The following ZNF529 variants were observed in gnomAD, a reference collection of about 807,000 sequenced individuals.
ZNF529 encodes zinc finger protein 529.
Under a neutral mutation model 10.1 loss-of-function variants are expected in ZNF529, and 11 were observed. The observed-to-expected ratio is 1.09, with a 90% CI of 0.69 to 1.81. The LOEUF is 1.81. Among genes scored for constraint, ZNF529 ranks in the 40% most tolerant of loss-of-function variants. The pLI is 0.00. For missense variants in ZNF529, 624 were observed against 666.8 expected, an observed-to-expected ratio of 0.94 and a Z score of 0.71; for synonymous variants, 204 against 215.7, an observed-to-expected ratio of 0.95 and a Z score of 0.47.
chr19:36,573,665 A>G (rs1400393447), upstream of ZNF529: 3 of 344,468 alleles, frequency 8.7e-6, no homozygotes, highest in Admixed American at 3.6e-5. Flanking sequence ...AAAGAACCGG[A>G]AGCCCGGGCC....
intron 2 of ZNF529, among the ~76,000 whole-genome samples, chr19:36,562,012 G>T (rs2035717188): frequency 1.3e-5 from 2 of 152,170 alleles, no homozygotes; most frequent in African/African-American, 2.4e-5. Flanking sequence ...AAGGCAGGTG[G>T]ATCATCTGAG....
At chr19:36,602,873 T>G (rs1035045435) in intron 1 of ZNF529, among the ~76,000 whole-genome samples, 6 of 149,560 alleles carry the variant, frequency 4.0e-5, no homozygotes, top group Admixed American at 2.0e-4. Flanking sequence ...GAGGTTTCAG[T>G]GAGCCAAGAT....
At chr19:36,590,726 T>C (rs113342386) in intron 1 of ZNF529, among the ~76,000 whole-genome samples, 17 of 152,122 alleles carry the variant, frequency 1.1e-4, no homozygotes, top group African/African-American at 4.1e-4. Flanking sequence ...AGTCAGGAGT[T>C]TGGAACCAGC....
intron 2 of ZNF529, among the ~76,000 whole-genome samples, chr19:36,570,886 G>A (rs1053525739): frequency 6.6e-6 from 1 of 151,938 alleles, no homozygotes. Context: ...AAATTCTCTA[G>A]GTTTATGTCC....
chr19:36,550,999 T>C (rs1749093646), intron 4 of ZNF529, among the ~76,000 whole-genome samples: 1 of 152,208 alleles, frequency 6.6e-6, no homozygotes, highest in African/African-American at 2.4e-5. Context: ...GTCCTTGTTA[T>C]TGAAATAAAC....
intron 2 of ZNF529, among the ~76,000 whole-genome samples, chr19:36,586,890 A>C (rs1218061047): frequency 6.6e-6 from 1 of 152,200 alleles, no homozygotes; most frequent in African/African-American, 2.4e-5. Flanking sequence ...AAAAGACATA[A>C]ATATGTATAA....
intron 4 of ZNF529, chr19:36,551,833 T>A (rs2035270473): frequency 6.6e-6 from 1 of 152,210 alleles, no homozygotes; most frequent in African/African-American, 2.4e-5. Flanking sequence ...CATCCCTTTA[T>A]TCTTATACAT....
chr19:36,590,224 G>T (rs1346340138), intron 1 of ZNF529, among the ~76,000 whole-genome samples: 1 of 151,978 alleles, frequency 6.6e-6, no homozygotes. Context: ...AAAATTAACA[G>T]GATGTGGTGG....
intron 1 of ZNF529, among the ~76,000 whole-genome samples, chr19:36,603,185 T>C (rs1188733727): frequency 6.6e-6 from 1 of 152,220 alleles, no homozygotes; most frequent in Non-Finnish European, 1.5e-5. Context: ...AACTATCTAA[T>C]GTGTAATTCT....
chr19:36,590,859 G>A (rs2912416), intron 1 of ZNF529, among the ~76,000 whole-genome samples: 51,000 of 149,668 alleles, frequency 0.34, 9,229 homozygotes, highest in African/African-American at 0.48. Flanking sequence ...GAACCTGGGA[G>A]GTGGAGGTTG....
Position 36,556,090 on chromosome 19 carries a change from A to T in ZNF529, c.108+14T>A, listed in dbSNP as rs1027793517. On this transcript the variant is annotated intron_variant, in intron 3 of 4. Transcript: ENST00000591340. ...AAGGAAATATCACAAAGAAAAGAGA[A>T]GTAGTTAACTTACATGGTCCATGGT... is the stretch of plus-strand genomic sequence containing the variant. 5.8e-6 allele frequency: 9 copies of T among 1,549,414 alleles called. No individual in the cohort carries two copies. In the African/African-American group the frequency reaches 9.6e-5, roughly 17 times the overall value.
At chr19:36,593,795 T>C (rs2036779487) in intron 1 of ZNF529, 1 of 152,092 alleles carries the variant, frequency 6.6e-6, no homozygotes, top group Admixed American at 6.6e-5. Context: ...AAACCATGGC[T>C]AAAAATGGTT....
At chr19:36,574,679 T>C, upstream of ZNF529, 2 of 373,740 alleles carry the variant, frequency 5.4e-6, no homozygotes, top group Non-Finnish European at 1.1e-5. Context: ...CGGAATTCCA[T>C]ATTTCTCCTT....
intron 1 of ZNF529, among the ~76,000 whole-genome samples, chr19:36,592,356 G>A (rs1215049168): frequency 4.1e-5 from 6 of 148,112 alleles, no homozygotes; most frequent in Admixed American, 1.4e-4. Flanking sequence ...CACTTTGAGA[G>A]GCCAAGGCGG....
chr19:36,558,132 C>G (rs985124395), intron 2 of ZNF529, among the ~76,000 whole-genome samples: 2 of 151,932 alleles, frequency 1.3e-5, no homozygotes, highest in Admixed American at 1.3e-4. Flanking sequence ...ATGGTATAAT[C>G]TGATGAACAG....
chr19:36,545,629 A>AT lies in ZNF529; in HGVS notation c.*1236dup, dbSNP rs1189297112. On this transcript the variant is annotated 3_prime_UTR_variant, in exon 5 of 5. Transcript: ENST00000591340. Reference sequence around the variant, plus strand: ...AGAGATGATTTTGGAGTTAAATGAGATTAGTTAAACCAAAGAAGGTCTGCT... The same window carrying AT: ...AGAGATGATTTTGGAGTTAAATGAGATTTAGTTAAACCAAAGAAGGTCTGCT... 1.3e-5 allele frequency: 2 copies of AT among 152,184 alleles called. No individual in the cohort carries two copies. The highest frequency in any genetic ancestry group is 4.8e-5 in the African/African-American group (2 of 41,442). The allele number at this position is 152,184 out of a possible 1,614,324, so 9.4% of individuals were successfully genotyped here.
At chr19:36,580,577 A>AATAT (rs1285132207) in intron 2 of ZNF529, 1 of 152,228 alleles carries the variant, frequency 6.6e-6, no homozygotes, top group Non-Finnish European at 1.5e-5. Flanking sequence ...ATGACACATG[A>AATAT]CTGTGTTCAT....
In ZNF529 at chr19:36,547,829, A is replaced by G. The variant is rs1299791413; in HGVS notation, c.729T>C (p.Asn243=). Residue 243 remains asparagine, a synonymous_variant, in exon 5 of 5, where the codon AAT becomes AAC. Coordinates refer to ENST00000591340, the MANE Select transcript of ZNF529 (RefSeq NM_020951.5). ...GNTCSFYKDF[N]VYQKIHNEKF... ...TCTCATTATGAATTTTCTGGTATAC[A>G]TTAAAGTCTTTATAAAAACTACATG... 3.1e-6 allele frequency: 5 copies of G among 1,610,682 alleles called. No individual in the cohort carries two copies. The highest frequency in any genetic ancestry group is 1.3e-5 in the African/African-American group (1 of 74,780).
intron 2 of ZNF529, among the ~76,000 whole-genome samples, chr19:36,562,112 C>T (rs895317989): frequency 2.0e-5 from 3 of 152,060 alleles, no homozygotes; most frequent in African/African-American, 7.2e-5. Flanking sequence ...GTGGTGCATG[C>T]CTGTAATCCC....
Sources: allele counts gnomAD v4.1 joint callset (sites outside exome capture counted in the v4.1 genomes callset), GRCh38; gene constraint gnomAD v4.1.1; transcripts MANE v1.5; gene names NCBI Gene and HGNC (gene_info 2026-07-23, HGNC 2026-07-21).